Variants in PCDHGA2 observed in about 807,000 individuals in gnomAD.
PCDHGA2 encodes the protein protocadherin gamma-A2.
PCDHGA2 carries 40 observed loss-of-function variants against 59.2 expected under a neutral mutation model. That is an observed-to-expected ratio of 0.68 (90% CI 0.52 to 0.88). The LOEUF is 0.88. Among genes scored for constraint, PCDHGA2 ranks in the 40% least tolerant of loss-of-function variants. The probability of loss-of-function intolerance (pLI) is 0.00; values close to 1 mark genes in which losing one functional copy is unlikely to be tolerated. For missense variants in PCDHGA2, 1,226 were observed against 1,204.0 expected, an observed-to-expected ratio of 1.02 and a Z score of -0.27; for synonymous variants, 560 against 526.0, an observed-to-expected ratio of 1.06 and a Z score of -0.89.
intron 1 of PCDHGA2, chr5:141,418,408 A>G (rs2096253819): frequency 8.1e-6 from 13 of 1,614,032 alleles, no homozygotes; most frequent in Non-Finnish European, 1.1e-5. Flanking sequence ...TGGTGGAGAA[A>G]GACAATCCTG....
chr5:141,410,078 G>T, intron 1 of PCDHGA2: 4 of 1,612,820 alleles, frequency 2.5e-6, no homozygotes, highest in East Asian at 2.2e-5. Flanking sequence ...CACTGGGGAG[G>T]TGCGCACGGC....
intron 1 of PCDHGA2, chr5:141,361,728 A>G (rs1318637710): frequency 5.0e-6 from 8 of 1,613,246 alleles, no homozygotes; most frequent in Non-Finnish European, 5.9e-6. Context: ...TCGAGCTCAC[A>G]CTGCAGGCCC....
Position 141,487,397 on chromosome 5 carries a change from G to A in PCDHGA2, c.2425-7410G>A. 1 of 1,614,062 alleles carries A rather than the reference G, an allele frequency of 6.2e-7. No homozygotes were observed. Among genetic ancestry groups the A allele is most frequent in the Middle Eastern group, 1.6e-4 (1 of 6,062 alleles). Reference sequence around the variant, plus strand: ...TCTCACCAGATCTCGAAGGAGGGAGGGGCTTCCCCCTTCCAATGGGATCCT... The same window carrying A: ...TCTCACCAGATCTCGAAGGAGGGAGAGGCTTCCCCCTTCCAATGGGATCCT... On this transcript the variant is annotated intron_variant, in intron 1 of 3. Coordinates refer to ENST00000394576, the MANE Select transcript of PCDHGA2 (RefSeq NM_018915.4). This position sits in a 1 kb window ranked among gnomAD's most constrained non-coding sequence, Gnocchi z 5.0.
At chr5:141,428,122 G>T in intron 1 of PCDHGA2, 1 of 1,606,172 alleles carries the variant, frequency 6.2e-7, no homozygotes, top group Non-Finnish European at 8.5e-7. Flanking sequence ...ATCGAGCCCG[G>T]GCTTTTCAGC....
At chr5:141,389,359 G>C (rs768908018) in intron 1 of PCDHGA2, 99 of 1,613,770 alleles carry the variant, frequency 6.1e-5, no homozygotes, top group Non-Finnish European at 8.2e-5. Context: ...ATCATGGCCA[G>C]TGACCTGGAG....
chr5:141,455,283 C>G (rs1225185590), intron 1 of PCDHGA2, among the ~76,000 whole-genome samples: 1 of 152,000 alleles, frequency 6.6e-6, no homozygotes, highest in East Asian at 1.9e-4. Context: ...ATTAACATCA[C>G]TTTACATAGT....
At position 141,376,211 on chromosome 5, in the gene PCDHGA2, G is replaced by T; in HGVS notation, c.2424+34816G>T. The T allele has an allele frequency of 6.2e-7, 1 of 1,614,180 alleles. No homozygotes were observed. Among genetic ancestry groups the T allele is most frequent in the South Asian group, 1.1e-5 (1 of 91,070 alleles). ...CTGCGTCTTCCTGGCCTTCGTCATC[G>T]TGCTGCTGGCGCTCAGACTGCAGCG... On this transcript the variant is annotated intron_variant, in intron 1 of 3. Transcript: ENST00000394576.
At chr5:141,344,485 G>A (rs267600447) in intron 1 of PCDHGA2, 2 of 1,613,920 alleles carry the variant, frequency 1.2e-6, no homozygotes, top group Non-Finnish European at 1.7e-6. Context: ...CCTGGAACCC[G>A]ATTTCCAATT....
intron 1 of PCDHGA2, among the ~76,000 whole-genome samples, chr5:141,425,165 A>G (rs1391395593): frequency 6.6e-6 from 1 of 152,140 alleles, no homozygotes; most frequent in Non-Finnish European, 1.5e-5. Flanking sequence ...TAGGGATAGG[A>G]TTTATACTTG....
At chr5:141,345,759 G>GA in intron 1 of PCDHGA2, 1 of 1,614,200 alleles carries the variant, frequency 6.2e-7, no homozygotes, top group Non-Finnish European at 8.5e-7. Context: ...CACTGGCGTG[G>GA]AGCTGGCGCC....
At chr5:141,456,723 G>A (rs1005891499) in intron 1 of PCDHGA2, among the ~76,000 whole-genome samples, 3 of 152,196 alleles carry the variant, frequency 2.0e-5, no homozygotes, top group Admixed American at 6.5e-5. Flanking sequence ...CCAGCACTTT[G>A]GGAGGCTGAG....
rs953803165 is a variant in PCDHGA2, at chr5:141,392,978, C to A, written c.2424+51583C>A. 2.5e-6 allele frequency: 4 copies of A among 1,613,808 alleles called. No individual in the cohort carries two copies. The highest frequency in any genetic ancestry group is 1.7e-4 in the Middle Eastern group (1 of 6,054). Reference sequence around the variant, plus strand: ...ATATCTCCAAGGACCTGGGGCTGGACCCCCGGAAGCTGGCGAAGCACGGAG... The same window carrying A: ...ATATCTCCAAGGACCTGGGGCTGGAACCCCGGAAGCTGGCGAAGCACGGAG... On this transcript the variant is annotated intron_variant, in intron 1 of 3. Coordinates refer to ENST00000394576, the MANE Select transcript of PCDHGA2 (RefSeq NM_018915.4).
intron 1 of PCDHGA2, chr5:141,417,708 G>C (rs1028054307): frequency 1.2e-4 from 152 of 1,227,878 alleles, no homozygotes; most frequent in East Asian, 4.9e-4. Context: ...CCACACAGAG[G>C]CTCCCGGCTG....
chr5:141,425,943 C>T (rs2096904576), intron 1 of PCDHGA2, among the ~76,000 whole-genome samples: 1 of 152,220 alleles, frequency 6.6e-6, no homozygotes, highest in African/African-American at 2.4e-5. Flanking sequence ...TGTCTAGTTT[C>T]CTATACATTA....
chr5:141,484,334 A>G (rs988395353), intron 1 of PCDHGA2, among the ~76,000 whole-genome samples: 3 of 152,192 alleles, frequency 2.0e-5, no homozygotes, highest in East Asian at 1.9e-4. Context: ...CTTGAAATCA[A>G]TGAATGGTAA....
At chr5:141,365,996 AACG>A (rs1588620860) in intron 1 of PCDHGA2, 4 of 1,614,192 alleles carry the variant, frequency 2.5e-6, no homozygotes, top group Non-Finnish European at 3.4e-6. Context: ...GCTGGACCAG[AACG>A]ACAATACGCC....
intron 1 of PCDHGA2, chr5:141,405,099 T>C: frequency 6.2e-7 from 1 of 1,613,942 alleles, no homozygotes; most frequent in East Asian, 2.2e-5. Flanking sequence ...GCCCTCAGGC[T>C]GAGGCACTGG....
chr5:141,387,784 T>C (rs2091093181), intron 1 of PCDHGA2: 11 of 1,472,396 alleles, frequency 7.5e-6, no homozygotes, highest in African/African-American at 4.2e-5. Flanking sequence ...GAACTGGAAC[T>C]GCAACTAAAG....
At chr5:141,351,626 C>T (rs751939973) in intron 1 of PCDHGA2, 2 of 1,614,070 alleles carry the variant, frequency 1.2e-6, no homozygotes, top group South Asian at 1.1e-5. Context: ...CTATGTGGTC[C>T]ACGTGTCTGA....
Sources: gnomAD v4.1 joint callset for allele counts (sites outside exome capture counted in the v4.1 genomes callset) on GRCh38, gnomAD v4.1.1 for gene constraint, Gnocchi (gnomAD v3.1) non-coding constraint, MANE v1.5 for transcripts, NCBI Gene and HGNC (gene_info 2026-07-23, HGNC 2026-07-21) for gene names.